The following TET2 variants were observed in gnomAD, a reference collection of about 807,000 sequenced individuals.
TET2 encodes the protein methylcytosine dioxygenase TET2.
A neutral mutation model predicts 142.9 loss-of-function variants in TET2; 299 were observed. That is an observed-to-expected ratio of 2.09 (90% confidence interval 1.90 to 2.30). The LOEUF is 2.30. Among genes scored for constraint, TET2 ranks in the 30% most tolerant of loss-of-function variants. The pLI is 0.00. For synonymous variants in TET2, 819 were observed against 849.0 expected, an observed-to-expected ratio of 0.96 and a Z score of 0.61; for missense variants, 2,418 against 2,378.0, an observed-to-expected ratio of 1.02 and a Z score of -0.35.
chr4:105,148,668 T>C (rs1174254340), intron 1 of TET2, among the ~76,000 whole-genome samples: 1 of 152,252 alleles, frequency 6.6e-6, no homozygotes. Flanking sequence ...TATGTTCTTT[T>C]ACATGTTTGT....
chr4:105,264,865 G>A lies in TET2; in HGVS notation c.4044+3017G>A, dbSNP rs189226131. ...TACCTCCTTTCCCCAACTGAGTGTC[G>A]TATCTCTATTTCTCACATCTGAATA... On this transcript the variant is annotated intron_variant, in intron 8 of 10. Coordinates refer to ENST00000380013, the MANE Select transcript of TET2 (RefSeq NM_001127208.3). Among the ~76,000 whole-genome samples, 4 of 152,164 alleles carry A rather than the reference G, an allele frequency of 2.6e-5. No individual in the cohort carries two copies. The South Asian group carries it at 6.2e-4, about 24-fold the overall frequency.
chr4:105,195,869 G>A (rs1008454014), intron 2 of TET2, among the ~76,000 whole-genome samples: 1 of 152,134 alleles, frequency 6.6e-6, no homozygotes, highest in South Asian at 2.1e-4. Flanking sequence ...CTTGGTAGGA[G>A]TCTTGGGGAC....
At chr4:105,160,333 T>TA (rs771186933) in intron 1 of TET2, among the ~76,000 whole-genome samples, 203 of 150,426 alleles carry the variant, frequency 1.3e-3, no homozygotes, top group East Asian at 3.7e-3. Context: ...CAAGTTGAAA[T>TA]AAAAAAAAAG....
At chr4:105,272,950 T>A in intron 10 of TET2, 32 bp downstream of exon 10, 2 of 1,467,284 alleles carry the variant, frequency 1.4e-6, no homozygotes, top group Non-Finnish European at 1.8e-6. Context: ...TGTAGATAAA[T>A]GTGTTGTGTG....
rs947300025 is a variant in TET2, at chr4:105,276,789, A to G, written c.*270A>G. 5 of 371,758 alleles carry G rather than the reference A, an allele frequency of 1.3e-5. No individual in the cohort carries two copies. Among genetic ancestry groups the G allele is most frequent in the Non-Finnish European group, 2.0e-5 (4 of 203,656 alleles). The allele number at this position is 371,758 out of a possible 1,614,324, so 23.0% of individuals were successfully genotyped here. ...GGGAAGAAAGTGTTCCGCAATTTAC[A>G]TTTTTAAACACTGGTTCTATTATTG... On this transcript the variant is annotated 3_prime_UTR_variant, in exon 11 of 11. Coordinates refer to ENST00000380013, the MANE Select transcript of TET2 (RefSeq NM_001127208.3).
intron 2 of TET2, among the ~76,000 whole-genome samples, chr4:105,203,843 G>A (rs1419525153): frequency 4.6e-5 from 7 of 152,004 alleles, no homozygotes; most frequent in African/African-American, 9.7e-5. Context: ...CAAACTCTTC[G>A]AGGCAAATTT....
chr4:105,256,534 G>T (rs575764915), intron 6 of TET2, among the ~76,000 whole-genome samples: 1 of 152,040 alleles, frequency 6.6e-6, no homozygotes, highest in South Asian at 2.1e-4. Flanking sequence ...TTCTTGTGTT[G>T]GCTTTCAGCA....
chr4:105,168,125 T>C (rs1338338706), intron 1 of TET2, among the ~76,000 whole-genome samples: 2 of 152,164 alleles, frequency 1.3e-5, no homozygotes, highest in Non-Finnish European at 2.9e-5. Context: ...TCCCCCTTCT[T>C]ACCTCACCGT....
intron 1 of TET2, chr4:105,147,718 G>A (rs1019439021): frequency 2.0e-5 from 3 of 152,176 alleles, no homozygotes; most frequent in African/African-American, 4.8e-5. Context: ...TTCCAGCCTG[G>A]GGAATGTATG....
chr4:105,235,421 AG>A lies in TET2; in HGVS notation c.1482del (p.Thr495GlnfsTer2). The A allele has an allele frequency of 1.2e-6, 2 of 1,614,236 alleles. No homozygotes were observed. Among genetic ancestry groups the A allele is most frequent in the Non-Finnish European group, 1.7e-6 (2 of 1,180,032 alleles). On this transcript the variant is annotated frameshift_variant, in exon 3 of 11. Transcript: ENST00000380013. LOFTEE classifies it high-confidence loss of function. ...CVNRNDIQTA[G>X]TMTVPLCSEK... ...TGAACAGGAATGACATACAGACTGC[AG>A]GGACAATGACTGTTCCATTGTGTTC...
At chr4:105,260,870 T>C (rs1264825530) in intron 7 of TET2, among the ~76,000 whole-genome samples, 1 of 152,180 alleles carries the variant, frequency 6.6e-6, no homozygotes, top group Admixed American at 6.6e-5. Flanking sequence ...CTTGCTGTCA[T>C]TTTAATTTTC....
At chr4:105,170,095 T>C (rs10023701) in intron 1 of TET2, among the ~76,000 whole-genome samples, 8,661 of 152,248 alleles carry the variant, frequency 0.057, 688 homozygotes, top group African/African-American at 0.17. Context: ...TAAAATTGTT[T>C]TTCCTAATTC....
At position 105,236,659 on chromosome 4, in the gene TET2, T is replaced by C. The variant is rs778285933; in HGVS notation, c.2717T>C (p.Met906Thr). ...GGATATAAAAATAGAAACCAAGATA[T>C]GTCTGGTCAACAAGCTGCGCAACTT... Reference protein sequence around the residue: ...LQGYKNRNQDMSGQQAAQLAQ... With the variant: ...LQGYKNRNQDTSGQQAAQLAQ... Residue 906 changes from methionine (M) to threonine (T), a missense_variant, in exon 3 of 11, where the codon ATG becomes ACG. Met to Thr is a moderately conservative substitution (Grantham distance 81). Coordinates refer to ENST00000380013, the MANE Select transcript of TET2 (RefSeq NM_001127208.3). 7 of 1,613,968 alleles carry C rather than the reference T, an allele frequency of 4.3e-6. No individual in the cohort carries two copies. The African/African-American group carries it at 6.7e-5, about 15-fold the overall frequency.
chr4:105,238,445 T>G (rs1034354377), intron 3 of TET2: 4 of 246,322 alleles, frequency 1.6e-5, no homozygotes, highest in Non-Finnish European at 2.6e-5. Flanking sequence ...GACTCAGTCC[T>G]CTCAAACTGT....
intron 3 of TET2, 168 bp downstream of exon 3, chr4:105,237,519 G>T (rs1250179744): frequency 6.3e-7 from 1 of 1,584,512 alleles, no homozygotes; most frequent in Non-Finnish European, 8.5e-7. Context: ...CGATGCTTGT[G>T]TCTTGTGAAA....
At chr4:105,258,141 C>CT (rs1405112907) in intron 6 of TET2, among the ~76,000 whole-genome samples, 1 of 152,110 alleles carries the variant, frequency 6.6e-6, no homozygotes, top group African/African-American at 2.4e-5. Context: ...GAAATCCTGT[C>CT]TTTTTTTCCC....
intron 1 of TET2, chr4:105,172,392 G>A (rs985858000): frequency 2.0e-5 from 3 of 152,174 alleles, no homozygotes; most frequent in Non-Finnish European, 4.4e-5. Context: ...TAAGAAAATC[G>A]TAAGGTAAAG....
chr4:105,190,635 A>T, intron 2 of TET2, 130 bp downstream of exon 2: 1 of 608,540 alleles, frequency 1.6e-6, no homozygotes, highest in South Asian at 2.0e-5. Flanking sequence ...TTTATTGTCT[A>T]TGCTTAGGAC....
intron 3 of TET2, chr4:105,239,252 T>C (rs1729158273): frequency 2.1e-5 from 5 of 241,706 alleles, no homozygotes; most frequent in East Asian, 6.3e-5. Flanking sequence ...TAAATGAGTA[T>C]GGGCTTCAAC....
Sources: allele counts gnomAD v4.1 joint callset (sites outside exome capture counted in the v4.1 genomes callset), GRCh38; gene constraint gnomAD v4.1.1; transcripts MANE v1.5; gene names NCBI Gene and HGNC (gene_info 2026-07-23, HGNC 2026-07-21).